The following YES1 variants were observed in gnomAD, a reference collection of about 807,000 sequenced individuals.
YES1 encodes tyrosine-protein kinase Yes.
Under a neutral mutation model 70.4 loss-of-function variants are expected in YES1, and 39 were observed. The ratio of observed to expected loss-of-function variants is 0.55; its 90% CI spans 0.43 to 0.72. The LOEUF is 0.72. Among genes scored for constraint, YES1 ranks in the 30% least tolerant of loss-of-function variants. The pLI, the probability that YES1 is intolerant of heterozygous loss-of-function variation, is 0.00. For missense variants in YES1, 495 were observed against 644.8 expected (o/e 0.77, Z 2.52); for synonymous variants, 198 against 218.6 (o/e 0.91, Z 0.83).
chr18:749,555 A>G (rs1222790974), intron 3 of YES1, among the ~76,000 whole-genome samples: 1 of 148,938 alleles, frequency 6.7e-6, no homozygotes, highest in Non-Finnish European at 1.5e-5. Context: ...ATGCATACTT[A>G]TAAAAATGTT....
chr18:722,687 A>T lies in YES1; in HGVS notation c.*1737T>A, dbSNP rs1268388054. The T allele has an allele frequency of 1.3e-5, 2 of 152,210 alleles. No individual in the cohort carries two copies. The highest frequency in any genetic ancestry group is 1.5e-5 in the Non-Finnish European group (1 of 68,036). 9.4% of individuals were successfully genotyped at this position (152,210 alleles called of 1,614,324 possible). A position where few individuals can be genotyped will look rare whatever the true frequency, so the allele number is the denominator to read the frequency against. On this transcript the variant is annotated 3_prime_UTR_variant, in exon 12 of 12. Transcript: ENST00000314574. ...ATGTTTCACTTTTGCACTTTAGGGTAAAAACTGTCCCCTTTTCACCACCGT... is the reference window on the plus strand; with the variant it reads ...ATGTTTCACTTTTGCACTTTAGGGTTAAAACTGTCCCCTTTTCACCACCGT...
intron 11 of YES1, among the ~76,000 whole-genome samples, chr18:730,073 T>C (rs1454481344): frequency 1.3e-5 from 2 of 152,246 alleles, no homozygotes; most frequent in Admixed American, 6.5e-5. Flanking sequence ...TAATTCCATT[T>C]GGAATTTACC....
intron 8 of YES1, among the ~76,000 whole-genome samples, chr18:742,250 C>T (rs1292189934): frequency 6.6e-6 from 1 of 152,134 alleles, no homozygotes; most frequent in Non-Finnish European, 1.5e-5. Flanking sequence ...TCTTTATCCT[C>T]CCCCTAACTA....
intron 1 of YES1, among the ~76,000 whole-genome samples, chr18:796,245 C>G (rs944497600): frequency 3.3e-5 from 5 of 152,164 alleles, no homozygotes; most frequent in Non-Finnish European, 7.3e-5. Context: ...AGTTAGGTTA[C>G]AGTCCTAGCG....
intron 2 of YES1, among the ~76,000 whole-genome samples, chr18:752,901 C>T (rs1330267259): frequency 6.6e-6 from 1 of 152,008 alleles, no homozygotes; most frequent in Non-Finnish European, 1.5e-5. Context: ...CGAGATTATG[C>T]CACTGCACTG....
chr18:738,546 TGGG>T (rs1568188571), intron 9 of YES1: 1 of 151,128 alleles, frequency 6.6e-6, no homozygotes. Context: ...AAAGATTGGC[TGGG>T]GGTGGTGGTG....
chr18:750,322 G>C (rs970513415), intron 3 of YES1, among the ~76,000 whole-genome samples: 1 of 152,168 alleles, frequency 6.6e-6, no homozygotes, highest in Non-Finnish European at 1.5e-5. Context: ...ACTTTAGAGT[G>C]TGCTGGAAAT....
At chr18:782,683 TTTTC>T (rs530392098) in intron 1 of YES1, among the ~76,000 whole-genome samples, 212 of 152,314 alleles carry the variant, frequency 1.4e-3, no homozygotes, top group African/African-American at 4.6e-3. Context: ...AAGGATTATT[TTTTC>T]TTTCTAATTT....
At chr18:773,070 A>G (rs1387262800) in intron 1 of YES1, among the ~76,000 whole-genome samples, 1 of 152,224 alleles carries the variant, frequency 6.6e-6, no homozygotes, top group Non-Finnish European at 1.5e-5. Flanking sequence ...TCTCTTCTTA[A>G]CATAAGGTCT....
chr18:730,791 T>C (rs1177491595), intron 11 of YES1, among the ~76,000 whole-genome samples: 2 of 152,236 alleles, frequency 1.3e-5, no homozygotes, highest in African/African-American at 4.8e-5. Flanking sequence ...CTCTCCATCA[T>C]AGCTAAAACT....
intron 11 of YES1, among the ~76,000 whole-genome samples, chr18:730,700 T>C (rs956109170): frequency 6.6e-6 from 1 of 152,226 alleles, no homozygotes; most frequent in Non-Finnish European, 1.5e-5. Context: ...GCTTCCTTGA[T>C]GCAATGTCCT....
At chr18:776,280 G>C (rs1390870285) in intron 1 of YES1, among the ~76,000 whole-genome samples, 5 of 151,462 alleles carry the variant, frequency 3.3e-5, no homozygotes, top group African/African-American at 4.9e-5. Flanking sequence ...TGCAACCTCT[G>C]CCTCTGGGGT....
chr18:748,799 A>T (rs972210161), intron 3 of YES1, among the ~76,000 whole-genome samples: 5 of 41,836 alleles, frequency 1.2e-4, no homozygotes, highest in African/African-American at 8.5e-4. Flanking sequence ...ATTTTAGATA[A>T]AAAAAAAAAT....
intron 3 of YES1, among the ~76,000 whole-genome samples, chr18:750,532 T>C (rs1456792704): frequency 6.6e-6 from 1 of 152,194 alleles, no homozygotes; most frequent in African/African-American, 2.4e-5. Flanking sequence ...CAACCAAAAA[T>C]GTCTCCAGAT....
At chr18:741,834 CA>C (rs1268187801) in intron 8 of YES1, among the ~76,000 whole-genome samples, 2 of 152,008 alleles carry the variant, frequency 1.3e-5, no homozygotes, top group South Asian at 2.1e-4. Flanking sequence ...AGCAAACAAA[CA>C]AAAAAATGTC....
chr18:762,096 G>A (rs1308648081), intron 1 of YES1, among the ~76,000 whole-genome samples: 3 of 152,256 alleles, frequency 2.0e-5, no homozygotes, highest in Non-Finnish European at 4.4e-5. Context: ...CAGGGTGGGC[G>A]GATCACCTGA....
At chr18:770,673 G>A (rs1390177588) in intron 1 of YES1, among the ~76,000 whole-genome samples, 1 of 152,154 alleles carries the variant, frequency 6.6e-6, no homozygotes, top group Non-Finnish European at 1.5e-5. Context: ...CAGGGTGGGT[G>A]GGTGCCTGTA....
chr18:740,300 C>T (rs904132598), intron 8 of YES1, among the ~76,000 whole-genome samples: 4 of 152,174 alleles, frequency 2.6e-5, no homozygotes, highest in South Asian at 2.1e-4. Flanking sequence ...AGTCTGATTA[C>T]GGCTTCACTA....
At chr18:736,515 T>A (rs1263461355) in intron 10 of YES1, 1 of 216,086 alleles carries the variant, frequency 4.6e-6, no homozygotes, top group Non-Finnish European at 9.1e-6. Context: ...ACTGAGAACC[T>A]CTGGCCTTTC....
Sources: allele counts gnomAD v4.1 joint callset (sites outside exome capture counted in the v4.1 genomes callset), GRCh38; gene constraint gnomAD v4.1.1; transcripts MANE v1.5; gene names NCBI Gene and HGNC (gene_info 2026-07-23, HGNC 2026-07-21).